ALG5: variants seen among roughly 807,000 people sequenced by gnomAD.
ALG5 encodes dolichyl-phosphate beta-glucosyltransferase.
Under a neutral mutation model 51.8 loss-of-function variants are expected in ALG5, and 26 were observed. The observed-to-expected ratio is 0.50, with a 90% CI of 0.37 to 0.70. The LOEUF (loss-of-function observed/expected upper bound fraction) is 0.70, where lower values mean the gene tolerates loss of function less well. ALG5 is among the 30% of genes least tolerant of loss of function. ALG5 has a pLI of 0.00. For synonymous variants in ALG5, 141 were observed against 136.1 expected, an observed-to-expected ratio of 1.04 and a Z score of -0.25; for missense variants, 311 against 399.3, an observed-to-expected ratio of 0.78 and a Z score of 1.88.
chr13:36,993,366 G>C (rs537098675), intron 4 of ALG5, among the ~76,000 whole-genome samples: 6 of 152,328 alleles, frequency 3.9e-5, no homozygotes, highest in African/African-American at 1.2e-4. Context: ...CTACCCTAAA[G>C]GCCAGGAGGA....
chr13:36,964,919 C>CAA lies in ALG5; in HGVS notation c.773+654_773+655dup, dbSNP rs34435719. The stretch of plus-strand genomic sequence containing the variant: ...CATCCTGGGCAACAAGAGCGAAACT[C>CAA]AAAAAAAAAAAAAAATGATGAGGCA... On this transcript the variant is annotated intron_variant, in intron 8 of 9. Coordinates refer to ENST00000239891, the MANE Select transcript of ALG5 (RefSeq NM_013338.5). Among the ~76,000 whole-genome samples, 441 of 136,814 alleles carry CAA rather than the reference C, an allele frequency of 3.2e-3. 4 individuals carry two copies. Among genetic ancestry groups the CAA allele is most frequent in the African/African-American group, 6.9e-3 (250 of 35,986 alleles). 89.8% of individuals were successfully genotyped at this position (136,814 alleles called of 152,430 possible).
chr13:36,992,921 C>T (rs1454345737), intron 4 of ALG5, among the ~76,000 whole-genome samples: 2 of 152,124 alleles, frequency 1.3e-5, no homozygotes, highest in African/African-American at 4.8e-5. Flanking sequence ...CCCTCCCTTG[C>T]TTGTCCTCCC....
chr13:36,962,413 C>T (rs1398029788), intron 8 of ALG5, among the ~76,000 whole-genome samples: 1 of 151,996 alleles, frequency 6.6e-6, no homozygotes, highest in African/African-American at 2.4e-5. Context: ...TTAGAGGCAC[C>T]AAATAAACAT....
At chr13:36,985,069 T>C (rs1465828678) in intron 6 of ALG5, among the ~76,000 whole-genome samples, 2 of 151,738 alleles carry the variant, frequency 1.3e-5, no homozygotes, top group African/African-American at 4.8e-5. Context: ...TTTTTCCAGA[T>C]TGGGAAGTAT....
At chr13:36,950,856 G>A (rs1040907979) in intron 9 of ALG5, among the ~76,000 whole-genome samples, 1 of 151,980 alleles carries the variant, frequency 6.6e-6, no homozygotes, top group Non-Finnish European at 1.5e-5. Context: ...AAAGTGCTGG[G>A]ATTACAGGCA....
intron 6 of ALG5, 136 bp downstream of exon 6, chr13:36,985,491 G>T: frequency 1.7e-6 from 1 of 603,446 alleles, no homozygotes; most frequent in Admixed American, 3.2e-5. Flanking sequence ...TCCTCTATGG[G>T]GCTGTACCAT....
intron 7 of ALG5, 143 bp downstream of exon 7, chr13:36,971,834 C>T (rs977050143): frequency 1.5e-5 from 9 of 603,800 alleles, no homozygotes; most frequent in African/African-American, 3.8e-5. Flanking sequence ...AACCTTTCCA[C>T]AATTAAAACA....
At chr13:36,999,342 C>T (rs762935307), upstream of ALG5, 22 of 1,518,298 alleles carry the variant, frequency 1.4e-5, no homozygotes, top group Non-Finnish European at 1.9e-5. Flanking sequence ...CACCTCCACA[C>T]AGGCGGAAGC....
chr13:36,955,211 CA>C lies in ALG5; in HGVS notation c.774-2613del, dbSNP rs201782525. On this transcript the variant is annotated intron_variant, in intron 8 of 9. Transcript: ENST00000239891. ...TCATGAAAATGACCTGTCCAAAAGA[CA>C]ATGCCAGTTGGGACTTTCTCACACG... 1.2e-3 allele frequency among the ~76,000 whole-genome samples: 181 copies of C among 152,310 alleles called. 1 individual carries two copies. In the East Asian group the frequency reaches 0.018, roughly 15 times the overall value.
intron 6 of ALG5, among the ~76,000 whole-genome samples, chr13:36,979,586 CA>C (rs1340522086): frequency 6.6e-6 from 1 of 152,186 alleles, no homozygotes; most frequent in African/African-American, 2.4e-5. Flanking sequence ...CATTCAGGGT[CA>C]TTAGTAAGCA....
chr13:36,968,891 C>A (rs2058907641), intron 7 of ALG5, among the ~76,000 whole-genome samples: 1 of 152,204 alleles, frequency 6.6e-6, no homozygotes, highest in Non-Finnish European at 1.5e-5. Context: ...TAAGAATAAG[C>A]TGGACTTGAA....
chr13:36,995,516 G>C lies in ALG5; in HGVS notation c.147C>G (p.Ala49=), dbSNP rs777173216. The change falls in exon 2 of 10, where the codon GCC becomes GCG. Residue 49 remains alanine, a synonymous_variant. Transcript: ENST00000239891. ...RHEEEKFFLN[A]KGQKETLPSI... is the part of the protein sequence containing the mutation. ...TGGGTAAAGTTTCTTTCTGGCCTTT[G>C]GCATTTAAGAAGAATTTCTCTTCTT... The C allele has an allele frequency of 1.9e-6, 3 of 1,604,238 alleles. No homozygotes were observed. The highest frequency in any genetic ancestry group is 2.5e-6 in the Non-Finnish European group (3 of 1,177,838).
At chr13:36,961,854 T>C (rs914444841) in intron 8 of ALG5, among the ~76,000 whole-genome samples, 1 of 152,142 alleles carries the variant, frequency 6.6e-6, no homozygotes, top group African/African-American at 2.4e-5. Flanking sequence ...TGATCTCGGC[T>C]CACTGCAACC....
chr13:36,968,549 T>G (rs968753183), intron 7 of ALG5, among the ~76,000 whole-genome samples: 1 of 152,194 alleles, frequency 6.6e-6, no homozygotes, highest in African/African-American at 2.4e-5. Flanking sequence ...TAAGCACTTT[T>G]AAGGATGATA....
intron 5 of ALG5, among the ~76,000 whole-genome samples, chr13:36,986,976 G>A (rs2059004703): frequency 6.6e-6 from 1 of 152,104 alleles, no homozygotes; most frequent in African/African-American, 2.4e-5. Context: ...TCCTTGAAAA[G>A]GCAGTCTACC....
chr13:36,963,545 C>G (rs967685424), intron 8 of ALG5, among the ~76,000 whole-genome samples: 3 of 152,086 alleles, frequency 2.0e-5, no homozygotes, highest in Non-Finnish European at 4.4e-5. Flanking sequence ...GGCTTTACTT[C>G]TAGAGTCGTT....
intron 5 of ALG5, 129 bp downstream of exon 5, chr13:36,989,355 T>C: frequency 1.6e-6 from 1 of 639,600 alleles, no homozygotes; most frequent in Non-Finnish European, 2.7e-6. Flanking sequence ...CATGAAGTTA[T>C]TATTAAAATT....
chr13:36,982,717 C>G (rs548198118), intron 6 of ALG5, among the ~76,000 whole-genome samples: 2 of 152,254 alleles, frequency 1.3e-5, no homozygotes. Flanking sequence ...TTTGTCAGAA[C>G]CATATTTTTC....
At chr13:36,991,508 A>G (rs1465869717) in intron 4 of ALG5, among the ~76,000 whole-genome samples, 1 of 152,242 alleles carries the variant, frequency 6.6e-6, no homozygotes, top group East Asian at 1.9e-4. Context: ...TAGCTGCCAA[A>G]CCAGCAAACA....
Sources: allele counts gnomAD v4.1 joint callset (sites outside exome capture counted in the v4.1 genomes callset), GRCh38; gene constraint gnomAD v4.1.1; transcripts MANE v1.5; gene names NCBI Gene and HGNC (gene_info 2026-07-23, HGNC 2026-07-21).